The following RERE variants were observed in gnomAD, a reference collection of about 807,000 sequenced individuals.
RERE encodes arginine-glutamic acid dipeptide repeats protein.
RERE carries 40 observed loss-of-function variants against 146.1 expected under a neutral mutation model. The ratio of observed to expected loss-of-function variants is 0.27; its 90% CI spans 0.21 to 0.36. RERE has a LOEUF of 0.36. Ranked by LOEUF, RERE falls within the 10% of genes least tolerant of loss-of-function variation. RERE has a pLI of 1.00. For missense variants in RERE, 1,933 were observed against 2,138.7 expected (o/e 0.90, Z 1.90); for synonymous variants, 1,003 against 866.0 (o/e 1.16, Z -2.78).
chr1:8,463,996 T>C (rs1313890991), intron 11 of RERE, among the ~76,000 whole-genome samples: 2 of 152,220 alleles, frequency 1.3e-5, no homozygotes, highest in African/African-American at 4.8e-5. Flanking sequence ...TAAAACCTTG[T>C]CAATCAGATC....
chr1:8,779,249 C>T (rs1425704341), intron 1 of RERE, among the ~76,000 whole-genome samples: 2 of 151,424 alleles, frequency 1.3e-5, no homozygotes, highest in African/African-American at 4.8e-5. Context: ...AAGTTCCATC[C>T]GGGCGCAGTG....
chr1:8,576,538 GA>G (rs1646297107), intron 4 of RERE, among the ~76,000 whole-genome samples: 2 of 152,132 alleles, frequency 1.3e-5, no homozygotes, highest in Admixed American at 6.5e-5. Flanking sequence ...GAGATTCCTA[GA>G]AAGTCATCTA....
chr1:8,814,859 A>C (rs1460332253), intron 1 of RERE, among the ~76,000 whole-genome samples: 1 of 152,234 alleles, frequency 6.6e-6, no homozygotes, highest in Non-Finnish European at 1.5e-5. Context: ...AAGTGTAAAT[A>C]CTTCTGGTAA....
intron 22 of RERE, 86 bp downstream of exon 22, chr1:8,355,333 G>A (rs1215308268): frequency 1.4e-6 from 2 of 1,434,254 alleles, no homozygotes; most frequent in African/African-American, 1.4e-5. Flanking sequence ...CAGGCAGAGG[G>A]GGAGGAGCCT....
At chr1:8,795,754 C>G (rs998481932) in intron 1 of RERE, among the ~76,000 whole-genome samples, 1 of 151,906 alleles carries the variant, frequency 6.6e-6, no homozygotes, top group Non-Finnish European at 1.5e-5. Flanking sequence ...AGGCCAAGGC[C>G]GGCAGATCAT....
At chr1:8,568,119 G>T (rs1646173846) in intron 4 of RERE, among the ~76,000 whole-genome samples, 1 of 152,148 alleles carries the variant, frequency 6.6e-6, no homozygotes, top group South Asian at 2.1e-4. Context: ...TAATCGGCTG[G>T]GGTCCAGAAC....
intron 8 of RERE, among the ~76,000 whole-genome samples, chr1:8,503,127 TAAAA>T (rs1013140295): frequency 4.9e-4 from 71 of 143,780 alleles, no homozygotes; most frequent in Middle Eastern, 3.8e-3. Flanking sequence ...AATAAATAAA[TAAAA>T]AAGAATTGAT....
intron 15 of RERE, 63 bp downstream of exon 15, chr1:8,363,993 G>GCCC: frequency 6.7e-7 from 1 of 1,487,288 alleles, no homozygotes; most frequent in Non-Finnish European, 9.4e-7. Context: ...GGAGGCTCAA[G>GCCC]CCCCCACACA....
rs1646732347 is a variant in RERE, at chr1:8,607,530, A to ATTTTTTT, written c.522+7030_522+7031insAAAAAAA. Among the ~76,000 whole-genome samples the ATTTTTTT allele has an allele frequency of 1.6e-4, 9 of 57,586 alleles. No individual in the cohort carries two copies. In the East Asian group the frequency reaches 3.8e-3, roughly 25 times the overall value. The allele number at this position is 57,586 out of a possible 152,430, so 37.8% of individuals were successfully genotyped here. On this transcript the variant is annotated intron_variant, in intron 4 of 22. Transcript: ENST00000400908. ...GCCCCGCATATTTGTTTTTATATAT[A>ATTTTTTT]TTTCTTTTTTTTTTTTTTTTTTTTT...
chr1:8,483,209 A>G (rs567288646), intron 10 of RERE, among the ~76,000 whole-genome samples: 12 of 152,242 alleles, frequency 7.9e-5, no homozygotes, highest in Non-Finnish European at 1.2e-4. Context: ...CCTTAACCCA[A>G]GCCAGCAAAC....
At chr1:8,790,880 C>T (rs187389892) in intron 1 of RERE, among the ~76,000 whole-genome samples, 3 of 152,326 alleles carry the variant, frequency 2.0e-5, no homozygotes, top group East Asian at 1.9e-4. Context: ...GCCACCGCAC[C>T]CGGCCCAGGC....
chr1:8,438,768 C>T (rs914965526), intron 11 of RERE, among the ~76,000 whole-genome samples: 7 of 151,802 alleles, frequency 4.6e-5, no homozygotes, highest in Non-Finnish European at 1.0e-4. Context: ...GTTGAATGTT[C>T]CAGTAAAACA....
chr1:8,702,479 T>C (rs1297714801), intron 1 of RERE, among the ~76,000 whole-genome samples: 1 of 152,222 alleles, frequency 6.6e-6, no homozygotes, highest in Non-Finnish European at 1.5e-5. Flanking sequence ...AAAATTCTTT[T>C]AACAATTTAA....
At chr1:8,579,802 G>A (rs142737418) in intron 4 of RERE, among the ~76,000 whole-genome samples, 2 of 152,332 alleles carry the variant, frequency 1.3e-5, no homozygotes, top group East Asian at 3.9e-4. Context: ...TCAGGAGTTC[G>A]AGACCGGCCT....
intron 10 of RERE, among the ~76,000 whole-genome samples, chr1:8,486,706 T>C (rs893157785): frequency 3.4e-5 from 5 of 146,682 alleles, no homozygotes; most frequent in Non-Finnish European, 7.4e-5. Flanking sequence ...CGTCTTTATA[T>C]TGATCAAGAG....
chr1:8,709,238 G>GA (rs1639619664), intron 1 of RERE, among the ~76,000 whole-genome samples: 2 of 151,158 alleles, frequency 1.3e-5, no homozygotes, highest in South Asian at 2.1e-4. Context: ...GTTTTTAAAA[G>GA]AAAAAAGAAA....
intron 4 of RERE, among the ~76,000 whole-genome samples, chr1:8,573,341 A>G (rs749371516): frequency 1.3e-5 from 2 of 152,150 alleles, no homozygotes; most frequent in African/African-American, 2.4e-5. Context: ...TAATATATAT[A>G]TATAACTAAA....
At chr1:8,789,301 A>AAAATATATAT in intron 1 of RERE, among the ~76,000 whole-genome samples, 2 of 24,814 alleles carry the variant, frequency 8.1e-5, no homozygotes, top group East Asian at 9.9e-4. Flanking sequence ...AAAAAAAAAA[A>AAAATATATAT]ATATATATAT....
Position 8,619,788 on chromosome 1 carries a change from CGTAA to C in RERE, c.396+4518_396+4521del, listed in dbSNP as rs1006130351. On this transcript the variant is annotated intron_variant, in intron 3 of 22. Coordinates refer to ENST00000400908, the MANE Select transcript of RERE (RefSeq NM_001042681.2). The stretch of plus-strand genomic sequence containing the variant: ...ATAAAAATATGATTTTATTGTTTTT[CGTAA>C]ACAAACAAATCATTTCTTTTAGAAC... Among the ~76,000 whole-genome samples the C allele has an allele frequency of 8.5e-5, 13 of 152,258 alleles. No individual in the cohort carries two copies. In the East Asian group the frequency reaches 1.2e-3, roughly 14 times the overall value.
Sources: gnomAD v4.1 joint callset for allele counts (sites outside exome capture counted in the v4.1 genomes callset) on GRCh38, gnomAD v4.1.1 for gene constraint, MANE v1.5 for transcripts, NCBI Gene and HGNC (gene_info 2026-07-23, HGNC 2026-07-21) for gene names.